The following KAT6B variants were observed in gnomAD, a reference collection of about 807,000 sequenced individuals.
The protein encoded by KAT6B is histone acetyltransferase KAT6B.
A neutral mutation model predicts 187.5 loss-of-function variants in KAT6B; 10 were observed. The observed-to-expected ratio is 0.05, with a 90% CI of 0.03 to 0.09. The LOEUF is 0.09. KAT6B is among the 10% of genes least tolerant of loss of function. The probability of loss-of-function intolerance (pLI) is 1.00; values close to 1 mark genes in which losing one functional copy is unlikely to be tolerated. For synonymous variants in KAT6B, 861 were observed against 926.8 expected (o/e 0.93, Z 1.29); for missense variants, 1,952 against 2,558.9 (o/e 0.76, Z 5.12).
chr10:74,943,921 C>CCTTTGTATATGTATGTAAGGAA (rs1305367104), intron 3 of KAT6B, among the ~76,000 whole-genome samples: 4 of 152,186 alleles, frequency 2.6e-5, no homozygotes, highest in Non-Finnish European at 5.9e-5. Context: ...GGACCTGTAT[C>CCTTTGTATATGTATGTAAGGAA]CAGTATATGT....
intron 3 of KAT6B, among the ~76,000 whole-genome samples, chr10:74,899,624 A>G (rs1165655871): frequency 6.6e-6 from 1 of 151,914 alleles, no homozygotes; most frequent in Non-Finnish European, 1.5e-5. Context: ...TTCTTGAATA[A>G]TTTTTCCTTA....
In KAT6B at chr10:74,989,387, A is replaced by G. The variant is rs149611671; in HGVS notation, c.2629+275A>G. Reference sequence around the variant, plus strand: ...GAATGAACCGACAGAATTACATTCCATTTTGTGGTGCTCATGCTCATTAGC... The same window carrying G: ...GAATGAACCGACAGAATTACATTCCGTTTTGTGGTGCTCATGCTCATTAGC... On this transcript the variant is annotated intron_variant, in intron 13 of 17. Transcript: ENST00000287239. 7.7e-3 allele frequency among the ~76,000 whole-genome samples: 1,178 copies of G among 152,346 alleles called. 18 individuals are homozygous for G. The highest frequency in any genetic ancestry group is 0.033 in the East Asian group (170 of 5,184).
chr10:74,914,429 T>G (rs1327325259), intron 3 of KAT6B, among the ~76,000 whole-genome samples: 1 of 152,164 alleles, frequency 6.6e-6, no homozygotes, highest in Non-Finnish European at 1.5e-5. Flanking sequence ...TCAACATAAT[T>G]TTTTCAATAT....
intron 3 of KAT6B, among the ~76,000 whole-genome samples, chr10:74,934,186 CAA>C (rs386371842): frequency 2.0e-4 from 14 of 69,378 alleles, no homozygotes; most frequent in East Asian, 3.8e-4. Context: ...ACTCCGTCTC[CAA>C]AAAAAAAAAA....
chr10:74,984,436 AGCTTG>A (rs1278668976), intron 11 of KAT6B: 1 of 152,528 alleles, frequency 6.6e-6, no homozygotes, highest in Admixed American at 6.5e-5. Context: ...TCAGTATCAC[AGCTTG>A]ATTCTTTTAT....
intron 3 of KAT6B, among the ~76,000 whole-genome samples, chr10:74,902,106 T>C (rs1010145475): frequency 1.3e-5 from 2 of 152,202 alleles, no homozygotes; most frequent in African/African-American, 4.8e-5. Context: ...CTTTCTTCTG[T>C]TGGCTCCCTC....
intron 3 of KAT6B, among the ~76,000 whole-genome samples, chr10:74,879,842 C>T (rs1235877213): frequency 1.3e-5 from 2 of 152,044 alleles, no homozygotes; most frequent in African/African-American, 4.8e-5. Context: ...CACCTGTAAT[C>T]CCAGCACTTT....
chr10:74,918,443 G>A (rs1195334296), intron 3 of KAT6B, among the ~76,000 whole-genome samples: 2 of 152,114 alleles, frequency 1.3e-5, no homozygotes, highest in Non-Finnish European at 2.9e-5. Context: ...GGGTCTTGAA[G>A]GAGTAAAAGA....
chr10:74,907,570 A>G (rs546147413), intron 3 of KAT6B, among the ~76,000 whole-genome samples: 55 of 151,900 alleles, frequency 3.6e-4, no homozygotes, highest in African/African-American at 1.3e-3. Flanking sequence ...GTTGTTGCCC[A>G]GGCTGGAGTG....
At chr10:74,960,790 A>C (rs1841045208) in intron 4 of KAT6B, among the ~76,000 whole-genome samples, 1 of 152,190 alleles carries the variant, frequency 6.6e-6, no homozygotes, top group Non-Finnish European at 1.5e-5. Flanking sequence ...ACAAGTAAAC[A>C]CCCTGGCACA....
At chr10:74,853,199 C>T (rs1351606441) in intron 3 of KAT6B, among the ~76,000 whole-genome samples, 2 of 148,674 alleles carry the variant, frequency 1.3e-5, no homozygotes, top group African/African-American at 2.5e-5. Flanking sequence ...ACTGCAGCCT[C>T]GACCTCCCGG....
Position 74,985,216 on chromosome 10 carries a change from G to A in KAT6B, c.2510G>A (p.Cys837Tyr). 6.2e-7 allele frequency: 1 copy of A among 1,614,070 alleles called. No homozygotes were observed. Among genetic ancestry groups the A allele is most frequent in the Non-Finnish European group, 8.5e-7 (1 of 1,179,970 alleles). Residue 837 changes from cysteine (C) to tyrosine (Y), a missense_variant, in exon 12 of 18, where the codon TGT (cysteine) becomes TAT (tyrosine). This residue lies in a region of KAT6B where 87 missense variants were observed against 191.8 expected (regional missense o/e 0.45). Coordinates refer to ENST00000287239, the MANE Select transcript of KAT6B (RefSeq NM_012330.4). ...YVLTKNDEKG[C>Y]HLVGYFSKEK... Reference sequence around the variant, plus strand: ...CTTACAAAAAATGATGAAAAGGGCTGTCATCTGGTTGGATACTTCTCTAAG... The same window carrying A: ...CTTACAAAAAATGATGAAAAGGGCTATCATCTGGTTGGATACTTCTCTAAG...
At chr10:74,948,850 G>T (rs1035836517) in intron 3 of KAT6B, among the ~76,000 whole-genome samples, 1 of 152,198 alleles carries the variant, frequency 6.6e-6, no homozygotes, top group Non-Finnish European at 1.5e-5. Context: ...ACCAATGGCA[G>T]TACTTGCATT....
At chr10:74,910,878 T>TAGATTTTATCTAGATTAGATAAAAA (rs1847155883) in intron 3 of KAT6B, among the ~76,000 whole-genome samples, 2 of 152,354 alleles carry the variant, frequency 1.3e-5, no homozygotes, top group South Asian at 2.1e-4. Context: ...GATCTTGGGC[T>TAGATTTTATCTAGATTAGATAAAAA]TGAGGTATTT....
At chr10:74,917,239 T>C (rs1325696832) in intron 3 of KAT6B, among the ~76,000 whole-genome samples, 2 of 152,228 alleles carry the variant, frequency 1.3e-5, no homozygotes, top group African/African-American at 2.4e-5. Flanking sequence ...GAGTTAATTA[T>C]ATATAACCTT....
intron 3 of KAT6B, among the ~76,000 whole-genome samples, chr10:74,855,351 TC>T (rs1208679546): frequency 6.6e-6 from 1 of 152,180 alleles, no homozygotes; most frequent in Non-Finnish European, 1.5e-5. Context: ...GTCCAAGGTT[TC>T]CCTGTCATGC....
At chr10:74,884,382 T>C (rs919676600) in intron 3 of KAT6B, among the ~76,000 whole-genome samples, 2 of 152,254 alleles carry the variant, frequency 1.3e-5, no homozygotes, top group African/African-American at 2.4e-5. Flanking sequence ...CAACCGAAGA[T>C]AGATGAGACT....
chr10:74,841,509 G>A (rs1841743166), intron 2 of KAT6B, among the ~76,000 whole-genome samples: 1 of 151,960 alleles, frequency 6.6e-6, no homozygotes, highest in South Asian at 2.1e-4. Context: ...AGATTACAGT[G>A]AGCTGAGATT....
chr10:74,895,493 AG>A (rs1845926311), intron 3 of KAT6B, among the ~76,000 whole-genome samples: 1 of 152,140 alleles, frequency 6.6e-6, no homozygotes, highest in Non-Finnish European at 1.5e-5. Context: ...AGGCATAAAA[AG>A]CTTGAATTAA....
Sources: allele counts gnomAD v4.1 joint callset (sites outside exome capture counted in the v4.1 genomes callset), GRCh38; gene constraint gnomAD v4.1.1; regional missense constraint gnomAD v4.1.1; transcripts MANE v1.5; gene names NCBI Gene and HGNC (gene_info 2026-07-23, HGNC 2026-07-21).